Variants in CCDC158 observed in about 807,000 individuals in gnomAD.
The protein encoded by CCDC158 is coiled-coil domain containing 158.
A neutral mutation model predicts 138.6 loss-of-function variants in CCDC158; 116 were observed. The observed-to-expected ratio is 0.84, with a 90% CI of 0.72 to 0.98. The LOEUF (loss-of-function observed/expected upper bound fraction) is 0.98, where lower values mean the gene tolerates loss of function less well. Among genes scored for constraint, CCDC158 ranks in the 50% least tolerant of loss-of-function variants. The pLI, the probability that CCDC158 is intolerant of heterozygous loss-of-function variation, is 0.00. For synonymous variants in CCDC158, 436 were observed against 442.4 expected, an observed-to-expected ratio of 0.99 and a Z score of 0.18; for missense variants, 1,265 against 1,306.1, an observed-to-expected ratio of 0.97 and a Z score of 0.48.
chr4:76,358,961 T>C (rs985623149), intron 13 of CCDC158, among the ~76,000 whole-genome samples: 1 of 152,200 alleles, frequency 6.6e-6, no homozygotes, highest in Admixed American at 6.5e-5. Flanking sequence ...TGTCCTGTTG[T>C]AATTCTTAGT....
At chr4:76,404,165 C>T (rs1241481610) in intron 2 of CCDC158, among the ~76,000 whole-genome samples, 2 of 152,046 alleles carry the variant, frequency 1.3e-5, no homozygotes, top group African/African-American at 2.4e-5. Context: ...ACCAAGGAAC[C>T]AGCAGAAGCA....
chr4:76,386,706 A>G (rs1240102740), intron 4 of CCDC158, among the ~76,000 whole-genome samples: 1 of 146,270 alleles, frequency 6.8e-6, no homozygotes, highest in East Asian at 2.0e-4. Context: ...CAGGAGAGAC[A>G]GTCTTGAATC....
intron 8 of CCDC158, among the ~76,000 whole-genome samples, chr4:76,381,682 T>A (rs1560451937): frequency 6.6e-6 from 1 of 152,088 alleles, no homozygotes; most frequent in Non-Finnish European, 1.5e-5. Flanking sequence ...AAGGGATAAT[T>A]ATATTTTTTT....
At chr4:76,394,012 C>T (rs1727545777) in intron 4 of CCDC158, among the ~76,000 whole-genome samples, 1 of 151,992 alleles carries the variant, frequency 6.6e-6, no homozygotes, top group Admixed American at 6.6e-5. Context: ...GAAAAAGGAA[C>T]CCTTGTACAC....
intron 19 of CCDC158, among the ~76,000 whole-genome samples, chr4:76,333,135 G>A (rs1355633710): frequency 6.6e-6 from 1 of 152,118 alleles, no homozygotes; most frequent in Non-Finnish European, 1.5e-5. Context: ...TAACTGGACT[G>A]TTACTAATGT....
chr4:76,360,997 C>T (rs1250769474), intron 13 of CCDC158, among the ~76,000 whole-genome samples: 1 of 152,082 alleles, frequency 6.6e-6, no homozygotes, highest in Non-Finnish European at 1.5e-5. Context: ...GGAGGAGGGG[C>T]CTTGTGGAAG....
At position 76,324,510 on chromosome 4, in the gene CCDC158, T is replaced by C. The variant is rs139017830; in HGVS notation, c.3170-1101A>G. Reference sequence around the variant, plus strand: ...CCAGAAGTTTTTAACATAAATAATATAAAATATAGGTTTGATGAGTATCTG... The same window carrying C: ...CCAGAAGTTTTTAACATAAATAATACAAAATATAGGTTTGATGAGTATCTG... On this transcript the variant is annotated intron_variant, in intron 23 of 24. Coordinates refer to ENST00000682701, the MANE Select transcript of CCDC158 (RefSeq NM_001394954.1). Among the ~76,000 whole-genome samples the C allele has an allele frequency of 1.5e-4, 23 of 152,130 alleles. No individual in the cohort carries two copies. In the East Asian group the frequency reaches 4.3e-3, roughly 28 times the overall value.
At chr4:76,330,174 T>A (rs896419468) in intron 21 of CCDC158, among the ~76,000 whole-genome samples, 1 of 152,220 alleles carries the variant, frequency 6.6e-6, no homozygotes, top group South Asian at 2.1e-4. Context: ...AGTAGCTCAG[T>A]GTGGGTACTC....
rs778369532 is a variant in CCDC158 at position 76,328,934 on chromosome 4, T to A, written c.2976A>T (p.Glu992Asp). 6.2e-7 allele frequency: 1 copy of A among 1,613,916 alleles called. No individual in the cohort carries two copies. Among genetic ancestry groups the A allele is most frequent in the Non-Finnish European group, 8.5e-7 (1 of 1,179,822 alleles). Residue 992 changes from glutamate to aspartate, a missense_variant, in exon 22 of 25, where the codon GAA (glutamate) becomes GAT (aspartate). Physicochemically the swap from Glu to Asp is conservative, Grantham distance 45 (BLOSUM62 2). Coordinates refer to ENST00000682701, the MANE Select transcript of CCDC158 (RefSeq NM_001394954.1). The stretch of plus-strand genomic sequence containing the variant: ...TGAATGTGAAGCAACCAGAGGGATC[T>A]TCCCTGTCTCCTGCGTGTAATGTGA... The part of the protein sequence containing the change: ...EPVTLHAGDR[E>D]DPSGCFTFTS...
chr4:76,395,605 G>T (rs1350297517), intron 4 of CCDC158, among the ~76,000 whole-genome samples: 2 of 152,140 alleles, frequency 1.3e-5, no homozygotes, highest in African/African-American at 4.8e-5. Flanking sequence ...TGCAGGTCTG[G>T]AATAGCGCAG....
intron 12 of CCDC158, among the ~76,000 whole-genome samples, chr4:76,364,759 AG>A (rs1312724776): frequency 6.6e-6 from 1 of 152,228 alleles, no homozygotes; most frequent in African/African-American, 2.4e-5. Context: ...TACTGGCCTT[AG>A]TATCCTGGCA....
chr4:76,345,584 TA>T, intron 18 of CCDC158: 1 of 1,069,340 alleles, frequency 9.4e-7, no homozygotes, highest in Non-Finnish European at 1.5e-6. Context: ...TGTTCAAGAA[TA>T]ACTGATATGC....
At chr4:76,394,959 GAT>G (rs1197083747) in intron 4 of CCDC158, among the ~76,000 whole-genome samples, 1 of 151,952 alleles carries the variant, frequency 6.6e-6, no homozygotes, top group Non-Finnish European at 1.5e-5. Flanking sequence ...AAATCTATAT[GAT>G]ATGTTTTTTT....
intron 15 of CCDC158, among the ~76,000 whole-genome samples, chr4:76,354,727 C>T (rs147314530): frequency 1.6e-4 from 24 of 152,288 alleles, no homozygotes; most frequent in African/African-American, 5.5e-4. Context: ...CTCAGTTTTA[C>T]CATGTGTTAT....
intron 1 of CCDC158, among the ~76,000 whole-genome samples, chr4:76,418,952 T>C (rs1328518801): frequency 6.6e-6 from 1 of 152,202 alleles, no homozygotes; most frequent in Non-Finnish European, 1.5e-5. Flanking sequence ...CGGTTGCTTT[T>C]AGCCATATTT....
intron 1 of CCDC158, among the ~76,000 whole-genome samples, chr4:76,418,379 C>T (rs1213676261): frequency 6.6e-6 from 1 of 152,150 alleles, no homozygotes; most frequent in Non-Finnish European, 1.5e-5. Context: ...TATTAAAAAT[C>T]ACTGGACTGT....
intron 18 of CCDC158, chr4:76,344,965 C>T (rs1722402151): frequency 6.7e-7 from 1 of 1,491,916 alleles, no homozygotes; most frequent in South Asian, 1.1e-5. Context: ...CTGAAGAAGT[C>T]CTTTTTACTG....
rs951189023 is a variant in CCDC158, at chr4:76,323,520, T to C, written c.3170-111A>G. On this transcript the variant is annotated intron_variant, in intron 23 of 24. Coordinates refer to ENST00000682701, the MANE Select transcript of CCDC158 (RefSeq NM_001394954.1). ...TTCTTTAAAATAAAGGGAACTTTTTTTCATGACAAATTCTAAAAGAGCTAT... is the reference window on the plus strand; with the variant it reads ...TTCTTTAAAATAAAGGGAACTTTTTCTCATGACAAATTCTAAAAGAGCTAT... 8.2e-6 allele frequency: 6 copies of C among 730,772 alleles called. No homozygotes were observed. In the African/African-American group the frequency reaches 9.0e-5, roughly 11 times the overall value. 45.3% of individuals were successfully genotyped at this position (730,772 alleles called of 1,614,324 possible). A position where few individuals can be genotyped will look rare whatever the true frequency, so the allele number is the denominator to read the frequency against.
At chr4:76,356,739 A>T (rs947595233) in intron 14 of CCDC158, 9 of 152,250 alleles carry the variant, frequency 5.9e-5, no homozygotes, top group Non-Finnish European at 1.3e-4. Flanking sequence ...CTGACATTAA[A>T]AAATATTGAG....
Sources: gnomAD v4.1 joint callset for allele counts (sites outside exome capture counted in the v4.1 genomes callset) on GRCh38, gnomAD v4.1.1 for gene constraint, MANE v1.5 for transcripts, NCBI Gene and HGNC (gene_info 2026-07-23, HGNC 2026-07-21) for gene names.